The following PDE8B variants were observed in gnomAD, a reference collection of about 807,000 sequenced individuals.
PDE8B encodes the protein high affinity cAMP-specific and IBMX-insensitive 3',5'-cyclic phosphodiesterase 8B.
Under a neutral mutation model 101.3 loss-of-function variants are expected in PDE8B, and 26 were observed. That is an observed-to-expected ratio of 0.26 (90% CI 0.19 to 0.36). PDE8B has a LOEUF of 0.36. Among genes scored for constraint, PDE8B ranks in the 10% least tolerant of loss-of-function variants. The pLI, the probability that PDE8B is intolerant of heterozygous loss-of-function variation, is 1.00. For missense variants in PDE8B, 810 were observed against 1,163.1 expected, an observed-to-expected ratio of 0.70 and a Z score of 4.42; for synonymous variants, 424 against 429.3, an observed-to-expected ratio of 0.99 and a Z score of 0.15.
chr5:77,258,764 T>C (rs1410092625), intron 1 of PDE8B, among the ~76,000 whole-genome samples: 1 of 152,138 alleles, frequency 6.6e-6, no homozygotes, highest in Non-Finnish European at 1.5e-5. Flanking sequence ...ATTATTCAGT[T>C]CAGTGCTCCT....
chr5:77,332,836 T>TC (rs1447268053), intron 5 of PDE8B, among the ~76,000 whole-genome samples: 1 of 100,574 alleles, frequency 9.9e-6, no homozygotes, highest in Non-Finnish European at 2.0e-5. Flanking sequence ...AAACTCCGTC[T>TC]CAAAAAAAAA....
chr5:77,312,801 G>A (rs564323118), intron 2 of PDE8B, among the ~76,000 whole-genome samples: 1 of 148,344 alleles, frequency 6.7e-6, no homozygotes, highest in South Asian at 2.1e-4. Context: ...GGGAATAGAA[G>A]ATGATAAAAT....
intron 14 of PDE8B, among the ~76,000 whole-genome samples, chr5:77,409,319 T>C (rs1375142911): frequency 6.6e-6 from 1 of 152,150 alleles, no homozygotes; most frequent in South Asian, 2.1e-4. Flanking sequence ...CAGGGAGTCA[T>C]TGGGCAACTG....
chr5:77,373,318 T>C (rs186794487), intron 10 of PDE8B, among the ~76,000 whole-genome samples: 1 of 152,358 alleles, frequency 6.6e-6, no homozygotes, highest in African/African-American at 2.4e-5. Context: ...ATTATTATTT[T>C]CTGACAATTT....
At position 77,211,169 on chromosome 5, in the gene PDE8B, T is replaced by G; in HGVS notation, c.244T>G (p.Ser82Ala). ...TELGSGSSAG[S>A]AAPAATTSRG... Reference sequence around the variant, plus strand: ...GCTGGGCAGCGGTAGCAGCGCGGGTTCCGCAGCCCCCGCCGCGACCACCAG... The same window carrying G: ...GCTGGGCAGCGGTAGCAGCGCGGGTGCCGCAGCCCCCGCCGCGACCACCAG... Residue 82 changes from serine (S) to alanine (A), a missense_variant, in exon 1 of 22, where the codon TCC becomes GCC. Transcript: ENST00000264917. This position sits in a 1 kb window ranked among gnomAD's most constrained non-coding sequence, Gnocchi z 4.1. 6.5e-7 allele frequency: 1 copy of G among 1,533,434 alleles called. No homozygotes were observed. The highest frequency in any genetic ancestry group is 1.4e-5 in the African/African-American group (1 of 72,222). 95.0% of individuals were successfully genotyped at this position (1,533,434 alleles called of 1,614,324 possible). A position where few individuals can be genotyped will look rare whatever the true frequency, so the allele number is the denominator to read the frequency against.
intron 1 of PDE8B, among the ~76,000 whole-genome samples, chr5:77,238,213 T>G (rs34414970): frequency 0.52 from 79,635 of 151,992 alleles, 22,656 homozygotes; most frequent in East Asian, 0.84. Context: ...ATGACATGAT[T>G]TTAAGACCTT....
the PDE8B span, chr5:77,143,756 C>T: frequency 6.6e-6 from 1 of 151,772 alleles, no homozygotes; most frequent in South Asian, 2.1e-4. Flanking sequence ...TAAACAGCAG[C>T]AGAGGGGATT....
At chr5:77,313,355 G>C (rs948873595) in intron 2 of PDE8B, among the ~76,000 whole-genome samples, 2 of 150,638 alleles carry the variant, frequency 1.3e-5, no homozygotes, top group African/African-American at 4.9e-5. Flanking sequence ...TTTAGGAACA[G>C]AGAGAGAGAG....
At chr5:77,098,390 T>C in the PDE8B span, among the ~76,000 whole-genome samples, 1 of 151,946 alleles carries the variant, frequency 6.6e-6, no homozygotes, top group Non-Finnish European at 1.5e-5. Context: ...TGCCAGTGAT[T>C]CTCCCACCTC....
chr5:77,107,627 C>T, the PDE8B span, among the ~76,000 whole-genome samples: 1 of 152,040 alleles, frequency 6.6e-6, no homozygotes, highest in Admixed American at 6.6e-5. Context: ...TTCAGTCTTT[C>T]CCTATTAAGT....
At chr5:77,408,771 C>T (rs544688736) in intron 13 of PDE8B, 122 bp from the exon 14 acceptor site, 2 of 814,148 alleles carry the variant, frequency 2.5e-6, no homozygotes, top group African/African-American at 3.4e-5. Context: ...GCCGTGAAAG[C>T]ACTGGTCATT....
intron 10 of PDE8B, among the ~76,000 whole-genome samples, chr5:77,367,757 C>T (rs1784410481): frequency 6.6e-6 from 1 of 152,192 alleles, no homozygotes; most frequent in Non-Finnish European, 1.5e-5. Flanking sequence ...TCTCAATCTC[C>T]TGACCTCATG....
intron 1 of PDE8B, among the ~76,000 whole-genome samples, chr5:77,299,956 G>A (rs1471573484): frequency 1.3e-5 from 2 of 152,190 alleles, no homozygotes; most frequent in Non-Finnish European, 2.9e-5. Flanking sequence ...AAGATCAGGG[G>A]CTCCCATGTA....
At chr5:77,369,569 T>C (rs992623539) in intron 10 of PDE8B, among the ~76,000 whole-genome samples, 1 of 152,194 alleles carries the variant, frequency 6.6e-6, no homozygotes, top group African/African-American at 2.4e-5. Context: ...ATTGAGTGTT[T>C]GTTTTGGGAC....
chr5:77,217,201 G>T (rs1299628935), intron 1 of PDE8B, among the ~76,000 whole-genome samples: 1 of 151,950 alleles, frequency 6.6e-6, no homozygotes, highest in Non-Finnish European at 1.5e-5. Flanking sequence ...CCTGCCTGCT[G>T]TCCTTCTCCC....
At chr5:77,199,481 T>C in the PDE8B span, among the ~76,000 whole-genome samples, 1 of 152,364 alleles carries the variant, frequency 6.6e-6, no homozygotes, top group African/African-American at 2.4e-5. Flanking sequence ...TGAGGTTTAT[T>C]TCTTTTCTTT....
At position 77,222,636 on chromosome 5, in the gene PDE8B, G is replaced by A. The variant is rs568868320; in HGVS notation, c.339+11372G>A. 3.3e-5 allele frequency among the ~76,000 whole-genome samples: 5 copies of A among 152,262 alleles called. No individual in the cohort carries two copies. The East Asian group carries it at 9.7e-4, about 29-fold the overall frequency. ...CGTTTCGGGAGCTTCCATTGTTTGTGCCCTATATTGTCGTCTTCTGTGGGA... is the reference window on the plus strand; with the variant it reads ...CGTTTCGGGAGCTTCCATTGTTTGTACCCTATATTGTCGTCTTCTGTGGGA... On this transcript the variant is annotated intron_variant, in intron 1 of 21. Transcript: ENST00000264917.
intron 2 of PDE8B, among the ~76,000 whole-genome samples, chr5:77,313,124 TG>T (rs369550631): frequency 1.6e-4 from 25 of 152,342 alleles, no homozygotes; most frequent in Admixed American, 3.3e-4. Flanking sequence ...CCTGGAATCT[TG>T]CCCTGTACTT....
chr5:77,131,623 A>T, the PDE8B span, among the ~76,000 whole-genome samples: 1 of 152,252 alleles, frequency 6.6e-6, no homozygotes, highest in Non-Finnish European at 1.5e-5. Context: ...GGTGAGCTTG[A>T]CATTTTCACT....
Sources: allele counts gnomAD v4.1 joint callset (sites outside exome capture counted in the v4.1 genomes callset), GRCh38; gene constraint gnomAD v4.1.1; non-coding constraint Gnocchi (gnomAD v3.1); transcripts MANE v1.5; gene names NCBI Gene and HGNC (gene_info 2026-07-23, HGNC 2026-07-21).